Variants in DISC1 observed in about 807,000 individuals in gnomAD.
The protein encoded by DISC1 is DISC1 scaffold protein, also known as disrupted in schizophrenia 1 protein.
DISC1 carries 57 observed loss-of-function variants against 84.5 expected under a neutral mutation model. The ratio of observed to expected loss-of-function variants is 0.67; its 90% confidence interval spans 0.55 to 0.84. The LOEUF is 0.84. Among genes scored for constraint, DISC1 ranks in the 40% least tolerant of loss-of-function variants. DISC1 has a pLI of 0.00. For missense variants in DISC1, 1,000 were observed against 1,057.8 expected, an observed-to-expected ratio of 0.95 and a Z score of 0.76; for synonymous variants, 411 against 415.2, an observed-to-expected ratio of 0.99 and a Z score of 0.12.
intron 8 of DISC1, among the ~76,000 whole-genome samples, chr1:231,808,570 C>T (rs112446263): frequency 5.9e-5 from 9 of 152,354 alleles, no homozygotes; most frequent in South Asian, 2.1e-4. Flanking sequence ...GCTAGCAAAC[C>T]GCCCTAAGGG....
chr1:232,025,918 G>A (rs1378018566), intron 11 of DISC1, among the ~76,000 whole-genome samples: 4 of 152,044 alleles, frequency 2.6e-5, no homozygotes, highest in South Asian at 2.1e-4. Flanking sequence ...TGGTAGCGGC[G>A]GCTCTATATG....
intron 9 of DISC1, among the ~76,000 whole-genome samples, chr1:231,951,778 A>G (rs1320027908): frequency 2.6e-5 from 4 of 152,192 alleles, no homozygotes; most frequent in Non-Finnish European, 5.9e-5. Context: ...TTTAAGGAAC[A>G]TTAGAGGCAG....
At position 232,007,890 on chromosome 1, in the gene DISC1, G is replaced by C. The variant is rs944253349; in HGVS notation, c.2043-895G>C. Among the ~76,000 whole-genome samples, 4 of 152,230 alleles carry C rather than the reference G, an allele frequency of 2.6e-5. No individual in the cohort carries two copies. In the East Asian group the frequency reaches 7.7e-4, roughly 29 times the overall value. On this transcript the variant is annotated intron_variant, in intron 10 of 12. Transcript: ENST00000439617. ...AGGTGTAGGTAATTGAATCATGGGG[G>C]CAGTTTCCCCAGTGCTGTTCCCAGG...
Position 232,039,172 on chromosome 1 carries a change from G to A in DISC1, c.*2341G>A, listed in dbSNP as rs918054991. ...AAGAAAATTATGAACTGGTCACATG[G>A]CACTTGGAATCCTTGAGTTAATTCC... On this transcript the variant is annotated 3_prime_UTR_variant, in exon 13 of 13. Coordinates refer to ENST00000439617, the MANE Select transcript of DISC1 (RefSeq NM_018662.3). 5.3e-5 allele frequency: 8 copies of A among 152,172 alleles called. No homozygotes were observed. The highest frequency in any genetic ancestry group is 2.1e-4 in the South Asian group (1 of 4,828). 9.4% of individuals were successfully genotyped at this position (152,172 alleles called of 1,614,324 possible).
intron 9 of DISC1, among the ~76,000 whole-genome samples, chr1:231,835,093 C>T (rs914488388): frequency 2.6e-5 from 4 of 152,062 alleles, no homozygotes; most frequent in Admixed American, 6.5e-5. Context: ...AAAAAGAGGC[C>T]GCTTACCAGA....
intron 3 of DISC1, among the ~76,000 whole-genome samples, chr1:231,722,357 A>T (rs943969379): frequency 6.6e-6 from 1 of 152,190 alleles, no homozygotes; most frequent in Admixed American, 6.5e-5. Context: ...GATACAAATG[A>T]GGTTCTGTAG....
At chr1:232,032,499 C>G (rs1378274372) in intron 12 of DISC1, among the ~76,000 whole-genome samples, 3 of 152,164 alleles carry the variant, frequency 2.0e-5, no homozygotes, top group African/African-American at 7.2e-5. Context: ...TGTGGATAGT[C>G]TATTCCAAGG....
At chr1:231,959,768 C>T (rs368864974) in intron 10 of DISC1, among the ~76,000 whole-genome samples, 5 of 152,158 alleles carry the variant, frequency 3.3e-5, no homozygotes, top group Non-Finnish European at 5.9e-5. Flanking sequence ...TCCCTGCTTC[C>T]CATGCTCCTA....
At chr1:231,910,053 T>G (rs1196853111) in intron 9 of DISC1, among the ~76,000 whole-genome samples, 2 of 152,216 alleles carry the variant, frequency 1.3e-5, no homozygotes, top group Non-Finnish European at 2.9e-5. Context: ...TGCACCTATT[T>G]GATTCTTCTC....
At chr1:231,893,357 T>C (rs1443773541) in intron 9 of DISC1, among the ~76,000 whole-genome samples, 1 of 152,164 alleles carries the variant, frequency 6.6e-6, no homozygotes, top group Non-Finnish European at 1.5e-5. Context: ...AAATGCAATA[T>C]AAAGAGGACT....
intron 10 of DISC1, among the ~76,000 whole-genome samples, chr1:231,975,658 G>A (rs1282000275): frequency 6.7e-6 from 1 of 149,656 alleles, no homozygotes; most frequent in East Asian, 2.0e-4. Flanking sequence ...GAAAGAATGA[G>A]ATCTTGTCAT....
chr1:231,782,350 G>A (rs994165882), intron 6 of DISC1, among the ~76,000 whole-genome samples: 2 of 152,092 alleles, frequency 1.3e-5, no homozygotes, highest in African/African-American at 2.4e-5. Context: ...AAACATTTTA[G>A]GAAATGAAAT....
At chr1:231,830,501 G>T (rs2125815231) in intron 9 of DISC1, among the ~76,000 whole-genome samples, 1 of 152,328 alleles carries the variant, frequency 6.6e-6, no homozygotes, top group East Asian at 1.9e-4. Flanking sequence ...CAAAAGTTAA[G>T]AGCGGCAGTT....
In DISC1 at chr1:231,773,965, G is replaced by T. The variant is rs183601937; in HGVS notation, c.1634+2895G>T. On this transcript the variant is annotated intron_variant, in intron 6 of 12. Transcript: ENST00000439617. ...AAGGCTTCATGTAGGAGGAGATCTT[G>T]GGAATGTAAGGATGAGGCTGGGAAC... Among the ~76,000 whole-genome samples the T allele has an allele frequency of 1.6e-3, 247 of 152,062 alleles. 1 individual carries two copies. The highest frequency in any genetic ancestry group is 5.4e-3 in the African/African-American group (222 of 41,488).
Position 231,871,228 on chromosome 1 carries a change from T to C in DISC1, c.1981+52711T>C, listed in dbSNP as rs80238018. Among the ~76,000 whole-genome samples, 1,262 of 152,282 alleles carry C rather than the reference T, an allele frequency of 8.3e-3. 27 individuals carry two copies. The highest frequency in any genetic ancestry group is 0.029 in the African/African-American group (1,192 of 41,530). On this transcript the variant is annotated intron_variant, in intron 9 of 12. Transcript: ENST00000439617. The stretch of plus-strand genomic sequence containing the variant: ...GACTAGGCTACAAATGCATATATAC[T>C]TTGCAGAGCATTGCCTATTAGTCGC...
In DISC1 at chr1:231,952,715, G is replaced by GTA. The variant is rs1253325162; in HGVS notation, c.1982-6100_1982-6099dup. Among the ~76,000 whole-genome samples the GTA allele has an allele frequency of 9.8e-3, 1,053 of 107,558 alleles. 9 individuals are homozygous for GTA. The highest frequency in any genetic ancestry group is 0.048 in the African/African-American group (882 of 18,250). 70.6% of individuals were successfully genotyped at this position (107,558 alleles called of 152,430 possible). A position where few individuals can be genotyped will look rare whatever the true frequency, so the allele number is the denominator to read the frequency against. Reference sequence around the variant, plus strand: ...TTTATATATATATATATATATATATGTATATATATATATAAACTTATTTTA... The same window carrying GTA: ...TTTATATATATATATATATATATATGTATATATATATATATAAACTTATTTTA... On this transcript the variant is annotated intron_variant, in intron 9 of 12. Coordinates refer to ENST00000439617, the MANE Select transcript of DISC1 (RefSeq NM_018662.3).
intron 8 of DISC1, among the ~76,000 whole-genome samples, chr1:231,805,208 CT>C (rs1484610603): frequency 6.6e-6 from 1 of 152,042 alleles, no homozygotes; most frequent in Non-Finnish European, 1.5e-5. Flanking sequence ...TTCAATTTTC[CT>C]GTTCAGCAGA....
chr1:231,750,170 A>G, intron 4 of DISC1, 94 bp downstream of exon 4: 1 of 1,511,598 alleles, frequency 6.6e-7, no homozygotes, highest in South Asian at 1.4e-5. Flanking sequence ...TTAGCTGTAG[A>G]GACCCTTGGC....
Position 231,872,668 on chromosome 1 carries a change from T to TA in DISC1, c.1981+54163dup, listed in dbSNP as rs990864946. On this transcript the variant is annotated intron_variant, in intron 9 of 12. Transcript: ENST00000439617. The stretch of plus-strand genomic sequence containing the variant: ...TTGTGTCCCTCTTTCCATCTGTTCT[T>TA]AAAAAAAAAAAATCAACTGAGTTTT... Among the ~76,000 whole-genome samples the TA allele has an allele frequency of 3.2e-3, 472 of 147,104 alleles. 1 individual carries two copies. The highest frequency in any genetic ancestry group is 9.0e-3 in the African/African-American group (363 of 40,382).
Sources: gnomAD v4.1 joint callset for allele counts (sites outside exome capture counted in the v4.1 genomes callset) on GRCh38, gnomAD v4.1.1 for gene constraint, MANE v1.5 for transcripts, NCBI Gene and HGNC (gene_info 2026-07-23, HGNC 2026-07-21) for gene names.